SPAG16: variants seen among roughly 807,000 people sequenced by gnomAD.
SPAG16 encodes the protein sperm-associated antigen 16 protein.
A neutral mutation model predicts 80.4 loss-of-function variants in SPAG16; 86 were observed. The observed-to-expected ratio is 1.07, with a 90% CI of 0.90 to 1.28. The LOEUF is 1.28. Among genes scored for constraint, SPAG16 ranks in the 50% most tolerant of loss-of-function variants. SPAG16 has a pLI of 0.00. For missense variants in SPAG16, 870 were observed against 765.3 expected (o/e 1.14, Z -1.61); for synonymous variants, 294 against 265.9 (o/e 1.11, Z -1.03).
chr2:214,096,593 G>C (rs2052608388), intron 13 of SPAG16, among the ~76,000 whole-genome samples: 2 of 151,994 alleles, frequency 1.3e-5, no homozygotes, highest in Admixed American at 6.6e-5. Flanking sequence ...GAAGAATGCT[G>C]CATGAAAGCT....
At chr2:214,251,191 A>G (rs988072165) in intron 15 of SPAG16, among the ~76,000 whole-genome samples, 3 of 151,854 alleles carry the variant, frequency 2.0e-5, no homozygotes, top group Non-Finnish European at 4.4e-5. Context: ...ATATTTTCAC[A>G]CACACACCTG....
At chr2:213,782,195 A>G (rs1260313199) in intron 10 of SPAG16, among the ~76,000 whole-genome samples, 2 of 151,436 alleles carry the variant, frequency 1.3e-5, no homozygotes, top group Non-Finnish European at 2.9e-5. Flanking sequence ...TTTTTTTTAA[A>G]TAATAAAAAA....
At chr2:213,317,377 C>T in intron 5 of SPAG16, 21 bp downstream of exon 5, 1 of 1,593,012 alleles carries the variant, frequency 6.3e-7, no homozygotes. Context: ...TTTTAAATGA[C>T]ATTTTCTTCT....
At chr2:213,290,937 C>G (rs763338964) in intron 1 of SPAG16, among the ~76,000 whole-genome samples, 5 of 152,180 alleles carry the variant, frequency 3.3e-5, no homozygotes, top group Non-Finnish European at 7.3e-5. Flanking sequence ...GGATTGATAT[C>G]TCTACACTGC....
Position 213,297,275 on chromosome 2 carries a change from A to G in SPAG16, c.197A>G (p.Asn66Ser). 1.9e-6 allele frequency: 3 copies of G among 1,611,850 alleles called. No individual in the cohort carries two copies. The highest frequency in any genetic ancestry group is 1.1e-5 in the South Asian group (1 of 90,906). The change falls in exon 3 of 16, where the codon AAT becomes AGT. Residue 66 changes from asparagine (N) to serine (S), a missense_variant. Asn to Ser is a conservative substitution (Grantham distance 46). Transcript: ENST00000331683. Reference protein sequence around the residue: ...DYEYEEIPDDNFSIPEGEEDL... With the variant: ...DYEYEEIPDDSFSIPEGEEDL... ...TCTGTGATCTAGATACCAGATGACA[A>G]TTTTAGCATCCCAGAAGGTGAAGAA...
chr2:213,781,090 T>C (rs752047260), intron 10 of SPAG16, among the ~76,000 whole-genome samples: 1 of 152,144 alleles, frequency 6.6e-6, no homozygotes, highest in African/African-American at 2.4e-5. Flanking sequence ...ATTACAGACA[T>C]TATATGTTAC....
chr2:213,501,328 T>C (rs1158816583), intron 10 of SPAG16, among the ~76,000 whole-genome samples: 1 of 152,198 alleles, frequency 6.6e-6, no homozygotes, highest in Non-Finnish European at 1.5e-5. Context: ...TATTGAACAT[T>C]TATTAAGCTG....
At chr2:213,988,661 C>A (rs1182014388) in intron 12 of SPAG16, among the ~76,000 whole-genome samples, 1 of 150,208 alleles carries the variant, frequency 6.7e-6, no homozygotes, top group African/African-American at 2.5e-5. Flanking sequence ...ATTGTACCAA[C>A]ATTTTAGATT....
chr2:213,858,267 GA>G (rs1323885051), intron 10 of SPAG16, among the ~76,000 whole-genome samples: 20 of 152,120 alleles, frequency 1.3e-4, no homozygotes, highest in African/African-American at 4.6e-4. Context: ...TTTTTGAAAT[GA>G]AAAGTACATC....
At chr2:213,711,260 A>T (rs751618674) in intron 10 of SPAG16, among the ~76,000 whole-genome samples, 41 of 151,876 alleles carry the variant, frequency 2.7e-4, no homozygotes, top group Non-Finnish European at 5.1e-4. Context: ...TATGGCAAAA[A>T]TTTTTTTTAA....
rs190173820 is a variant in SPAG16 at position 214,191,460 on chromosome 2, C to A, written c.1720+42194C>A. On this transcript the variant is annotated intron_variant, in intron 15 of 15. Coordinates refer to ENST00000331683, the MANE Select transcript of SPAG16 (RefSeq NM_024532.5). ...GGGCATGGTGGCTCACTCCTGTAAT[C>A]CCAGCACTTTGGGAGACCAAGGTGG... 1.1e-3 allele frequency among the ~76,000 whole-genome samples: 174 copies of A among 152,006 alleles called. 1 individual carries two copies. Among genetic ancestry groups the A allele is most frequent in the Middle Eastern group, 0.01 (3 of 292 alleles).
intron 10 of SPAG16, among the ~76,000 whole-genome samples, chr2:213,788,906 G>A (rs1341641398): frequency 6.6e-6 from 1 of 151,810 alleles, no homozygotes; most frequent in African/African-American, 2.4e-5. Context: ...TCCATAGGTA[G>A]AATCTTTCCA....
chr2:213,914,285 T>A (rs2077843488), intron 11 of SPAG16, among the ~76,000 whole-genome samples: 1 of 152,120 alleles, frequency 6.6e-6, no homozygotes, highest in South Asian at 2.1e-4. Context: ...AAAATCAATA[T>A]AATGCCTAAA....
Position 213,731,647 on chromosome 2 carries a change from C to G in SPAG16, c.1071-130838C>G, listed in dbSNP as rs186761895. Among the ~76,000 whole-genome samples the G allele has an allele frequency of 1.9e-3, 292 of 152,226 alleles. 1 individual carries two copies. Among genetic ancestry groups the G allele is most frequent in the African/African-American group, 6.6e-3 (275 of 41,542 alleles). On this transcript the variant is annotated intron_variant, in intron 10 of 15. Transcript: ENST00000331683. ...CCTGCCCCTCTTCCCACCCCCTGCC[C>G]TCCAACACGTCCCAGTGTGTGTGTT...
intron 12 of SPAG16, among the ~76,000 whole-genome samples, chr2:213,971,533 CGT>C (rs2045055061): frequency 6.6e-6 from 1 of 151,942 alleles, no homozygotes; most frequent in Admixed American, 6.6e-5. Flanking sequence ...CCATTTTAAA[CGT>C]AGAGTTTTCA....
At chr2:213,371,183 C>A (rs1351601576) in intron 8 of SPAG16, among the ~76,000 whole-genome samples, 1 of 151,838 alleles carries the variant, frequency 6.6e-6, no homozygotes, top group African/African-American at 2.4e-5. Flanking sequence ...CCGACGCAGG[C>A]GGATCACGAG....
intron 10 of SPAG16, among the ~76,000 whole-genome samples, chr2:213,821,914 T>G (rs2072966757): frequency 6.6e-6 from 1 of 152,184 alleles, no homozygotes. Context: ...GTACTCCATT[T>G]TTTATATGTA....
intron 11 of SPAG16, among the ~76,000 whole-genome samples, chr2:213,864,143 GTT>G (rs2075594158): frequency 6.6e-6 from 1 of 152,058 alleles, no homozygotes. Context: ...TTCTGAAAGA[GTT>G]TATATCTCAG....
chr2:213,494,542 C>T (rs1442271395), intron 10 of SPAG16, among the ~76,000 whole-genome samples: 1 of 152,082 alleles, frequency 6.6e-6, no homozygotes. Flanking sequence ...TAATTTTTTC[C>T]CCACTTCTTT....
Sources: allele counts gnomAD v4.1 joint callset (sites outside exome capture counted in the v4.1 genomes callset), GRCh38; gene constraint gnomAD v4.1.1; transcripts MANE v1.5; gene names NCBI Gene and HGNC (gene_info 2026-07-23, HGNC 2026-07-21).